The following TMEM260 variants were observed in gnomAD, a reference collection of about 807,000 sequenced individuals.
TMEM260 encodes transmembrane protein 260, also known as protein O-mannosyl-transferase TMEM260.
TMEM260 carries 82 observed loss-of-function variants against 88.9 expected under a neutral mutation model. That is an observed-to-expected ratio of 0.92 (90% CI 0.77 to 1.11). The LOEUF (loss-of-function observed/expected upper bound fraction) is 1.11. Ranked by LOEUF, TMEM260 falls within the 50% of genes least tolerant of loss-of-function variation. The probability of loss-of-function intolerance (pLI) is 0.00; values close to 1 mark genes in which losing one functional copy is unlikely to be tolerated. For missense variants in TMEM260, 902 were observed against 853.4 expected (o/e 1.06, Z -0.71); for synonymous variants, 314 against 309.3 (o/e 1.02, Z -0.16).
chr14:56,662,707 C>T, the TMEM260 span, among the ~76,000 whole-genome samples: 1 of 152,242 alleles, frequency 6.6e-6, no homozygotes, highest in African/African-American at 2.4e-5. Context: ...TCACTGCCAC[C>T]TTCTGAATCC....
chr14:56,587,633 A>G (rs952158574), intron 3 of TMEM260, among the ~76,000 whole-genome samples: 1 of 152,084 alleles, frequency 6.6e-6, no homozygotes, highest in African/African-American at 2.4e-5. Context: ...TAGGTATTTG[A>G]GTAGTTTTAA....
the TMEM260 span, among the ~76,000 whole-genome samples, chr14:56,660,652 G>C: frequency 1.2e-3 from 190 of 152,298 alleles, 1 homozygote; most frequent in African/African-American, 4.3e-3. Context: ...GAAAGCTGCT[G>C]ATGCTAATTC....
At chr14:56,598,918 G>C (rs963725875) in intron 3 of TMEM260, among the ~76,000 whole-genome samples, 2 of 152,164 alleles carry the variant, frequency 1.3e-5, no homozygotes, top group Non-Finnish European at 2.9e-5. Context: ...TTAGGATTTT[G>C]AGAAAAGCTT....
intron 14 of TMEM260, among the ~76,000 whole-genome samples, chr14:56,636,159 T>C (rs1474224328): frequency 6.6e-6 from 1 of 152,208 alleles, no homozygotes; most frequent in African/African-American, 2.4e-5. Flanking sequence ...ATGAGCTTCG[T>C]GTTGGGTACC....
chr14:56,625,615 A>G lies in TMEM260; in HGVS notation c.1547+85A>G. 3 of 1,075,440 alleles carry G rather than the reference A, an allele frequency of 2.8e-6. No individual in the cohort carries two copies. In the South Asian group the frequency reaches 5.0e-5, roughly 18 times the overall value. 66.6% of individuals were successfully genotyped at this position (1,075,440 alleles called of 1,614,324 possible). ...CTGTAGCAGTTGTGCATCATCCAAAAGACCAATTTTCTCTGCCTATTTCCC... is the reference window on the plus strand; with the variant it reads ...CTGTAGCAGTTGTGCATCATCCAAAGGACCAATTTTCTCTGCCTATTTCCC... On this transcript the variant is annotated intron_variant, in intron 12 of 15. Coordinates refer to ENST00000261556, the MANE Select transcript of TMEM260 (RefSeq NM_017799.4).
intron 5 of TMEM260, 53 bp downstream of exon 5, chr14:56,605,736 A>G (rs1318484483): frequency 2.7e-6 from 3 of 1,114,770 alleles, no homozygotes; most frequent in South Asian, 1.4e-5. Flanking sequence ...TAGGTCTAAT[A>G]TAACATTTTT....
At chr14:56,640,251 G>C (rs986062663) in intron 15 of TMEM260, among the ~76,000 whole-genome samples, 2 of 152,190 alleles carry the variant, frequency 1.3e-5, no homozygotes, top group Non-Finnish European at 2.9e-5. Flanking sequence ...CCTCCCAGTA[G>C]GGGTGGACTG....
At chr14:56,621,824 T>C (rs1887943273) in intron 11 of TMEM260, 122 bp downstream of exon 11, 1 of 713,878 alleles carries the variant, frequency 1.4e-6, no homozygotes, top group African/African-American at 1.8e-5. Flanking sequence ...AGGTAGAATA[T>C]ATATGACATT....
At chr14:56,604,482 A>G (rs1385024492) in intron 4 of TMEM260, among the ~76,000 whole-genome samples, 1 of 152,196 alleles carries the variant, frequency 6.6e-6, no homozygotes. Context: ...ACTATCATCA[A>G]AATCACTTGA....
intron 5 of TMEM260, among the ~76,000 whole-genome samples, chr14:56,608,436 T>G (rs1018722794): frequency 2.2e-4 from 33 of 152,330 alleles, no homozygotes; most frequent in Admixed American, 4.6e-4. Context: ...ATATTGTCCT[T>G]TAAGAAAAGT....
intron 3 of TMEM260, chr14:56,593,239 C>T (rs1240192222): frequency 6.6e-6 from 1 of 152,158 alleles, no homozygotes; most frequent in Non-Finnish European, 1.5e-5. Context: ...GCAGAGAATT[C>T]TGTTGCTCAC....
rs1485226864 is a variant in TMEM260 at position 56,647,774 on chromosome 14, A to G, written c.*277A>G. 2.5e-6 allele frequency: 1 copy of G among 398,522 alleles called. No homozygotes were observed. Among genetic ancestry groups the G allele is most frequent in the Non-Finnish European group, 4.5e-6 (1 of 222,200 alleles). The allele number at this position is 398,522 out of a possible 1,614,324, so 24.7% of individuals were successfully genotyped here. ...TTCCAGTCTTTCACCAGATGACTGC[A>G]CTGGATTAGATTCTAGAAGAGAATG... On this transcript the variant is annotated 3_prime_UTR_variant, in exon 16 of 16. Coordinates refer to ENST00000261556, the MANE Select transcript of TMEM260 (RefSeq NM_017799.4).
intron 12 of TMEM260, among the ~76,000 whole-genome samples, chr14:56,630,481 T>TC (rs1888520298): frequency 6.6e-6 from 1 of 152,138 alleles, no homozygotes; most frequent in Admixed American, 6.5e-5. Flanking sequence ...TCTTTTTTTT[T>TC]CTATGTCTTC....
In TMEM260 at chr14:56,636,615, T is replaced by G; in HGVS notation, c.1869+17T>G. 1 of 1,601,254 alleles carries G rather than the reference T, an allele frequency of 6.2e-7. No individual in the cohort carries two copies. Among genetic ancestry groups the G allele is most frequent in the Non-Finnish European group, 8.6e-7 (1 of 1,168,300 alleles). On this transcript the variant is annotated intron_variant, in intron 15 of 15. Transcript: ENST00000261556. ...GCATATGACGTATGTTACACTTTTA[T>G]ATGTAGATATAGATATATTTGGTGG...
At position 56,580,148 on chromosome 14, in the gene TMEM260, C is replaced by T. The variant is rs76846944; in HGVS notation, c.160+74C>T. The T allele has an allele frequency of 5.4e-3, 6,566 of 1,205,630 alleles. 132 individuals carry two copies. In the East Asian group the frequency reaches 0.069, roughly 13 times the overall value. The allele number at this position is 1,205,630 out of a possible 1,614,324, so 74.7% of individuals were successfully genotyped here. On this transcript the variant is annotated intron_variant, in intron 1 of 15. Transcript: ENST00000261556. ...GAACGGGCAGGGTCTGCGTCTGGCC[C>T]CTGCTCTTGGCATTCGGTCTGGTCA...
chr14:56,602,499 G>C (rs571168419), intron 3 of TMEM260, among the ~76,000 whole-genome samples: 1 of 152,018 alleles, frequency 6.6e-6, no homozygotes, highest in Admixed American at 6.6e-5. Context: ...TTTTGGGCTG[G>C]GTAGTCATAA....
chr14:56,596,424 A>G (rs1886226905), intron 3 of TMEM260, among the ~76,000 whole-genome samples: 3 of 113,372 alleles, frequency 2.6e-5, no homozygotes, highest in African/African-American at 6.5e-5. Flanking sequence ...ATATATATAT[A>G]TACATACACA....
chr14:56,638,446 T>C (rs1444404853), intron 15 of TMEM260: 1 of 152,174 alleles, frequency 6.6e-6, no homozygotes, highest in Non-Finnish European at 1.5e-5. Context: ...AAACTGAGAC[T>C]TACTTACTGA....
the TMEM260 span, among the ~76,000 whole-genome samples, chr14:56,659,074 C>A: frequency 6.6e-6 from 1 of 152,134 alleles, no homozygotes; most frequent in Non-Finnish European, 1.5e-5. Context: ...GAATTTAAAT[C>A]TATAGTGTGG....
Sources: allele counts gnomAD v4.1 joint callset (sites outside exome capture counted in the v4.1 genomes callset), GRCh38; gene constraint gnomAD v4.1.1; transcripts MANE v1.5; gene names NCBI Gene and HGNC (gene_info 2026-07-23, HGNC 2026-07-21).